The following HVCN1 variants were observed in gnomAD, a reference collection of about 807,000 sequenced individuals.
HVCN1 encodes the protein hydrogen voltage gated channel 1.
Under a neutral mutation model 29.2 loss-of-function variants are expected in HVCN1, and 14 were observed. The ratio of observed to expected loss-of-function variants is 0.48; its 90% confidence interval spans 0.32 to 0.75. HVCN1 has a LOEUF of 0.75. Among genes scored for constraint, HVCN1 ranks in the 30% least tolerant of loss-of-function variants. The pLI is 0.04. For synonymous variants in HVCN1, 131 were observed against 133.2 expected (o/e 0.98, Z 0.11); for missense variants, 263 against 341.8 (o/e 0.77, Z 1.82).
intron 2 of HVCN1, among the ~76,000 whole-genome samples, chr12:110,687,666 G>A (rs1016395623): frequency 6.6e-6 from 1 of 152,140 alleles, no homozygotes; most frequent in Non-Finnish European, 1.5e-5. Flanking sequence ...GTAGGGGGTG[G>A]AGGGGTGGCC....
chr12:110,681,240 T>A (rs896375618), intron 3 of HVCN1, among the ~76,000 whole-genome samples: 1 of 152,202 alleles, frequency 6.6e-6, no homozygotes, highest in African/African-American at 2.4e-5. Flanking sequence ...GTACATAAAA[T>A]AAGGTGCACG....
intron 2 of HVCN1, among the ~76,000 whole-genome samples, chr12:110,683,619 A>G (rs1383219221): frequency 6.6e-6 from 1 of 152,184 alleles, no homozygotes; most frequent in Non-Finnish European, 1.5e-5. Context: ...CATAAAAAGA[A>G]ATGAAGGGGG....
chr12:110,673,283 G>A (rs896401925), intron 3 of HVCN1, among the ~76,000 whole-genome samples: 2 of 152,186 alleles, frequency 1.3e-5, no homozygotes, highest in African/African-American at 2.4e-5. Context: ...ATAGAGATTT[G>A]TGGAGCTTTG....
chr12:110,662,050 T>C (rs1479419931), intron 3 of HVCN1, among the ~76,000 whole-genome samples: 4 of 152,120 alleles, frequency 2.6e-5, no homozygotes, highest in African/African-American at 7.2e-5. Context: ...TTACATAAAG[T>C]TAAATAATTG....
chr12:110,695,716 T>C (rs935109579), intron 2 of HVCN1, among the ~76,000 whole-genome samples: 2 of 152,104 alleles, frequency 1.3e-5, no homozygotes, highest in Non-Finnish European at 2.9e-5. Flanking sequence ...GAAGCAGCTA[T>C]GAAGAGAGAG....
At chr12:110,685,595 T>C (rs906732345) in intron 2 of HVCN1, among the ~76,000 whole-genome samples, 1 of 152,142 alleles carries the variant, frequency 6.6e-6, no homozygotes, top group African/African-American at 2.4e-5. Flanking sequence ...ATGTGTTTAA[T>C]CCTACTAGTG....
intron 2 of HVCN1, 125 bp from the exon 3 acceptor site, chr12:110,683,389 A>C: frequency 8.7e-7 from 1 of 1,155,756 alleles, no homozygotes; most frequent in Non-Finnish European, 1.2e-6. Context: ...GCCCGAAATT[A>C]GTGTAAAGTA....
Position 110,661,230 on chromosome 12 carries a change from G to C in HVCN1, c.240C>G (p.Pro80=). ...TGAAGTCAAGGGGGGCCCTGGGTGCGGGGCCAGGGGCAGGGGCAACGTCAG... is the reference window on the plus strand; with the variant it reads ...TGAAGTCAAGGGGGGCCCTGGGTGCCGGGCCAGGGGCAGGGGCAACGTCAG... The part of the protein sequence containing the change: ...AAPDVAPAPG[P]APRAPLDFRG... The change falls in exon 4 of 8, where the codon CCC becomes CCG. Residue 80 remains proline, a synonymous_variant. Coordinates refer to ENST00000242607, the MANE Select transcript of HVCN1 (RefSeq NM_032369.4). The surrounding 1 kb of genome is among the most constrained non-coding windows in gnomAD (Gnocchi z 6.2). The C allele has an allele frequency of 6.2e-7, 1 of 1,613,800 alleles. No individual in the cohort carries two copies. Among genetic ancestry groups the C allele is most frequent in the Non-Finnish European group, 8.5e-7 (1 of 1,179,724 alleles).
At chr12:110,668,946 A>AT (rs1422581256) in intron 3 of HVCN1, among the ~76,000 whole-genome samples, 1 of 150,982 alleles carries the variant, frequency 6.6e-6, no homozygotes, top group Non-Finnish European at 1.5e-5. Context: ...TCCCTGCCCC[A>AT]TACCAGGAGT....
intron 2 of HVCN1, chr12:110,702,238 C>G (rs1160634925): frequency 1.3e-5 from 2 of 152,128 alleles, no homozygotes; most frequent in Non-Finnish European, 2.9e-5. Flanking sequence ...GCGCGGCTCC[C>G]CCACCCCTTC....
At chr12:110,677,106 G>A (rs2068773285) in intron 3 of HVCN1, among the ~76,000 whole-genome samples, 1 of 152,050 alleles carries the variant, frequency 6.6e-6, no homozygotes, top group African/African-American at 2.4e-5. Flanking sequence ...TTGGGAGACT[G>A]AGAGAGGCGG....
upstream of HVCN1, among the ~76,000 whole-genome samples, chr12:110,692,657 G>C (rs569688595): frequency 6.6e-6 from 1 of 152,206 alleles, no homozygotes; most frequent in African/African-American, 2.4e-5. Flanking sequence ...CCAGGAGTTC[G>C]AGGCTGCAGT....
chr12:110,657,995 T>C (rs2068044677), intron 4 of HVCN1, among the ~76,000 whole-genome samples: 1 of 152,160 alleles, frequency 6.6e-6, no homozygotes, highest in African/African-American at 2.4e-5. Context: ...CCACATTTTC[T>C]ACCCCAGAGC....
chr12:110,650,081 G>A (rs2067728919), intron 7 of HVCN1, 87 bp downstream of exon 7: 1 of 826,860 alleles, frequency 1.2e-6, no homozygotes, highest in Non-Finnish European at 2.1e-6. Flanking sequence ...CGGACCTCAG[G>A]TGCTCCACCT....
intron 5 of HVCN1, 50 bp from the exon 6 acceptor site, chr12:110,651,498 T>G: frequency 7.9e-7 from 1 of 1,271,210 alleles, no homozygotes; most frequent in Non-Finnish European, 1.1e-6. Context: ...CTCTGGGAGG[T>G]CAAGCTGCCC....
chr12:110,656,804 C>G (rs779238280), intron 4 of HVCN1, among the ~76,000 whole-genome samples: 10 of 152,182 alleles, frequency 6.6e-5, no homozygotes, highest in Non-Finnish European at 1.3e-4. Flanking sequence ...AATTGCATGG[C>G]AAATTGCTTT....
chr12:110,678,119 G>A (rs2068807997), intron 3 of HVCN1, among the ~76,000 whole-genome samples: 2 of 152,360 alleles, frequency 1.3e-5, no homozygotes, highest in East Asian at 1.9e-4. Flanking sequence ...GTTTATGGAT[G>A]AGGAAACTGA....
intron 1 of HVCN1, among the ~76,000 whole-genome samples, chr12:110,703,860 T>G (rs2069584408): frequency 6.6e-6 from 1 of 152,184 alleles, no homozygotes; most frequent in Non-Finnish European, 1.5e-5. Context: ...AATTTTTGTA[T>G]TTTTAGTAGA....
At chr12:110,677,147 G>T (rs1011351735) in intron 3 of HVCN1, among the ~76,000 whole-genome samples, 2 of 152,036 alleles carry the variant, frequency 1.3e-5, no homozygotes, top group Non-Finnish European at 2.9e-5. Context: ...TGAGGCTGCA[G>T]TAAGCTGTGA....
Sources: allele counts gnomAD v4.1 joint callset (sites outside exome capture counted in the v4.1 genomes callset), GRCh38; gene constraint gnomAD v4.1.1; non-coding constraint Gnocchi (gnomAD v3.1); transcripts MANE v1.5; gene names NCBI Gene and HGNC (gene_info 2026-07-23, HGNC 2026-07-21).